LRRC4C: variants seen among roughly 807,000 people sequenced by gnomAD.
LRRC4C encodes the protein leucine rich repeat containing 4C, also known as leucine-rich repeat-containing protein 4C.
A neutral mutation model predicts 33.6 loss-of-function variants in LRRC4C; 5 were observed. The observed-to-expected ratio is 0.15, with a 90% CI of 0.08 to 0.31. The LOEUF is 0.31. LRRC4C is among the 10% of genes least tolerant of loss of function. The probability of loss-of-function intolerance (pLI) is 1.00; values close to 1 mark genes in which losing one functional copy is unlikely to be tolerated. For synonymous variants in LRRC4C, 329 were observed against 302.0 expected (o/e 1.09, Z -0.93); for missense variants, 560 against 796.7 (o/e 0.70, Z 3.58).
At chr11:40,667,048 T>C (rs1278114960) in intron 2 of LRRC4C, among the ~76,000 whole-genome samples, 2 of 152,316 alleles carry the variant, frequency 1.3e-5, no homozygotes, top group African/African-American at 2.4e-5. Flanking sequence ...AAGTCATAAA[T>C]GTAGATTATT....
chr11:40,279,153 T>C (rs1449568249), intron 4 of LRRC4C, among the ~76,000 whole-genome samples: 1 of 152,188 alleles, frequency 6.6e-6, no homozygotes, highest in Non-Finnish European at 1.5e-5. Context: ...TGTAGGACTT[T>C]TCAATTACAT....
At chr11:40,886,984 G>A (rs1042778261) in intron 2 of LRRC4C, among the ~76,000 whole-genome samples, 26 of 142,288 alleles carry the variant, frequency 1.8e-4, no homozygotes, top group East Asian at 4.1e-4. Flanking sequence ...ATATATATAC[G>A]TGTATATATC....
At chr11:40,510,266 C>G (rs190416098) in intron 3 of LRRC4C, among the ~76,000 whole-genome samples, 3 of 150,358 alleles carry the variant, frequency 2.0e-5, no homozygotes, top group East Asian at 3.9e-4. Context: ...TAGTTCTGAA[C>G]TACTGACCTA....
chr11:40,645,823 AG>A (rs1456131102), intron 3 of LRRC4C, among the ~76,000 whole-genome samples: 3 of 152,230 alleles, frequency 2.0e-5, no homozygotes, highest in Admixed American at 6.5e-5. Flanking sequence ...CTCTCCTTAA[AG>A]GAAAGGTTCT....
intron 4 of LRRC4C, among the ~76,000 whole-genome samples, chr11:40,306,032 A>G (rs1945013064): frequency 1.3e-5 from 2 of 152,178 alleles, no homozygotes; most frequent in Admixed American, 1.3e-4. Flanking sequence ...AACGAAACAG[A>G]ACTTCGGCCC....
chr11:41,063,258 CCAGA>C (rs1485188638), intron 1 of LRRC4C, among the ~76,000 whole-genome samples: 8 of 152,098 alleles, frequency 5.3e-5, no homozygotes, highest in Non-Finnish European at 8.8e-5. Context: ...ACTAGTATTA[CCAGA>C]CATTGTTCTC....
At chr11:41,003,732 T>G (rs535689447) in intron 1 of LRRC4C, among the ~76,000 whole-genome samples, 4 of 151,798 alleles carry the variant, frequency 2.6e-5, no homozygotes, top group African/African-American at 9.7e-5. Flanking sequence ...ATAAATACTT[T>G]AGAGTATTAT....
At position 40,836,617 on chromosome 11, in the gene LRRC4C, G is replaced by A. The variant is rs573637734; in HGVS notation, c.-407+97018C>T. On this transcript the variant is annotated intron_variant, in intron 2 of 6. Coordinates refer to ENST00000528697, the MANE Select transcript of LRRC4C (RefSeq NM_001258419.2). ...TATAACTCTCAAGGAGAAAAGTCCT[G>A]TGTCCCATAGGGTTTTGCTGTTGTT... Among the ~76,000 whole-genome samples the A allele has an allele frequency of 9.2e-5, 14 of 152,214 alleles. No individual in the cohort carries two copies. In the East Asian group the frequency reaches 2.5e-3, roughly 27 times the overall value.
chr11:40,761,770 G>A (rs929880250), intron 2 of LRRC4C, among the ~76,000 whole-genome samples: 1 of 152,116 alleles, frequency 6.6e-6, no homozygotes, highest in African/African-American at 2.4e-5. Context: ...TGTATCTTAA[G>A]GTGAGGCATC....
chr11:41,339,012 A>T (rs1348681967), intron 1 of LRRC4C, among the ~76,000 whole-genome samples: 2 of 152,222 alleles, frequency 1.3e-5, no homozygotes, highest in African/African-American at 4.8e-5. Flanking sequence ...TGCTGAACAA[A>T]TTGGGCTGTT....
At chr11:40,125,108 T>C (rs1391502934) in intron 6 of LRRC4C, among the ~76,000 whole-genome samples, 1 of 152,168 alleles carries the variant, frequency 6.6e-6, no homozygotes, top group Non-Finnish European at 1.5e-5. Flanking sequence ...TAAGCAAAGA[T>C]TGATAGTACC....
intron 1 of LRRC4C, among the ~76,000 whole-genome samples, chr11:41,437,428 C>CAG: frequency 6.6e-6 from 1 of 151,322 alleles, no homozygotes; most frequent in South Asian, 2.1e-4. Context: ...CGCGCGCGCA[C>CAG]ACACACACAC....
intron 5 of LRRC4C, among the ~76,000 whole-genome samples, chr11:40,186,710 C>T (rs1861429412): frequency 6.6e-6 from 1 of 152,194 alleles, no homozygotes; most frequent in South Asian, 2.1e-4. Context: ...TACACTAGAT[C>T]TCTTCGAGTC....
chr11:41,200,739 C>A (rs1050481614), intron 1 of LRRC4C, among the ~76,000 whole-genome samples: 7 of 152,078 alleles, frequency 4.6e-5, no homozygotes, highest in Non-Finnish European at 7.4e-5. Flanking sequence ...ATGGCCCCCC[C>A]AAAAACTATT....
intron 3 of LRRC4C, among the ~76,000 whole-genome samples, chr11:40,644,979 A>G (rs1196488840): frequency 2.0e-5 from 3 of 152,084 alleles, no homozygotes. Flanking sequence ...GTGAATGTAC[A>G]ATTATTTAAA....
In LRRC4C at chr11:40,343,314, T is replaced by C. The variant is rs141717201; in HGVS notation, c.-269-23593A>G. Among the ~76,000 whole-genome samples, 331 of 151,850 alleles carry C rather than the reference T, an allele frequency of 2.2e-3. 10 individuals are homozygous for C. The highest frequency in any genetic ancestry group is 0.021 in the Admixed American group (320 of 15,220). On this transcript the variant is annotated intron_variant, in intron 3 of 6. Coordinates refer to ENST00000528697, the MANE Select transcript of LRRC4C (RefSeq NM_001258419.2). ...AGCAAATTACTTGACATCTGTATGA[T>C]GAAGATGCTATTAAGCACTAAAACT...
In LRRC4C at chr11:40,489,326, A is replaced by G. The variant is rs1423804595; in HGVS notation, c.-270+158816T>C. 3.3e-5 allele frequency among the ~76,000 whole-genome samples: 5 copies of G among 152,072 alleles called. No homozygotes were observed. The South Asian group carries it at 6.2e-4, about 19-fold the overall frequency. On this transcript the variant is annotated intron_variant, in intron 3 of 6. Transcript: ENST00000528697. ...TGTCCCCCTTGCTCCCCTAAAAGCT[A>G]ACTCCAACACATTTTTCAAAACTCA...
intron 3 of LRRC4C, among the ~76,000 whole-genome samples, chr11:40,494,883 C>A (rs1451411046): frequency 1.3e-5 from 2 of 152,118 alleles, no homozygotes; most frequent in Non-Finnish European, 2.9e-5. Flanking sequence ...CTGTTTGAAT[C>A]CCAACTTAAC....
chr11:40,988,942 G>T (rs148193747), intron 1 of LRRC4C, among the ~76,000 whole-genome samples: 81 of 151,864 alleles, frequency 5.3e-4, no homozygotes, highest in African/African-American at 1.9e-3. Context: ...GGATGGTCGC[G>T]ATCTCCTGAC....
Sources: allele counts gnomAD v4.1 joint callset (sites outside exome capture counted in the v4.1 genomes callset), GRCh38; gene constraint gnomAD v4.1.1; transcripts MANE v1.5; gene names NCBI Gene and HGNC (gene_info 2026-07-23, HGNC 2026-07-21).